MKI67: variants seen among roughly 807,000 people sequenced by gnomAD.
The protein encoded by MKI67 is marker of proliferation Ki-67.
In MKI67, 152 loss-of-function variants were observed where a neutral mutation model predicts 233.5. The observed-to-expected ratio is 0.65, with a 90% CI of 0.57 to 0.74. MKI67 has a LOEUF of 0.74. MKI67 is among the 30% of genes least tolerant of loss of function. The pLI is 0.00. For synonymous variants in MKI67, 1,465 were observed against 1,418.5 expected, an observed-to-expected ratio of 1.03 and a Z score of -0.74; for missense variants, 3,940 against 3,885.2, an observed-to-expected ratio of 1.01 and a Z score of -0.37.
rs1348511025 is a variant in MKI67 at position 128,097,694 on chromosome 10, T to G, written c.*1496A>C. 1.3e-5 allele frequency: 2 copies of G among 152,422 alleles called. No homozygotes were observed. The highest frequency in any genetic ancestry group is 2.9e-5 in the Non-Finnish European group (2 of 68,082). The allele number at this position is 152,422 out of a possible 1,614,324, so 9.4% of individuals were successfully genotyped here. On this transcript the variant is annotated 3_prime_UTR_variant, in exon 15 of 15. Coordinates refer to ENST00000368654, the MANE Select transcript of MKI67 (RefSeq NM_002417.5). The stretch of plus-strand genomic sequence containing the variant: ...CCAAAGTGCCTCTGCTAAGAGCCAC[T>G]CTTCCTTGAACACCCTCCCCTGTTC...
Position 128,098,209 on chromosome 10 carries a change from G to A in MKI67, c.*981C>T, listed in dbSNP as rs906839870. On this transcript the variant is annotated 3_prime_UTR_variant, in exon 15 of 15. Transcript: ENST00000368654. The stretch of plus-strand genomic sequence containing the variant: ...GGAGAAAGATGTCTGGGCTTCAAAG[G>A]AGATTTCGGAGGCAGCGGCTCACAA... 6.6e-6 allele frequency: 1 copy of A among 152,298 alleles called. No homozygotes were observed. The highest frequency in any genetic ancestry group is 1.5e-5 in the Non-Finnish European group (1 of 68,078). 9.4% of individuals were successfully genotyped at this position (152,298 alleles called of 1,614,324 possible).
Position 128,107,463 on chromosome 10 carries a change from T to A in MKI67, c.4377A>T (p.Glu1459Asp). The A allele has an allele frequency of 3.1e-6, 5 of 1,614,038 alleles. No homozygotes were observed. Among genetic ancestry groups the A allele is most frequent in the Non-Finnish European group, 3.4e-6 (4 of 1,180,016 alleles). ...TGSKRHPKTK[E>D]KAQPLEDLAG... ...CCAGGTCTTCTAGGGGTTGGGCCTT[T>A]TCCTTAGTTTTTGGGTGCCTCTTGC... Residue 1459 changes from glutamate (E) to aspartate (D), a missense_variant, in exon 13 of 15, where the codon GAA (glutamate) becomes GAT (aspartate). Glu to Asp is a conservative substitution (Grantham distance 45). Transcript: ENST00000368654.
rs1465455288 is a variant in MKI67, at chr10:128,097,290, A to C, written c.*1900T>G. On this transcript the variant is annotated 3_prime_UTR_variant, in exon 15 of 15. Coordinates refer to ENST00000368654, the MANE Select transcript of MKI67 (RefSeq NM_002417.5). ...TTGTCAGATCTCTCCCTCCCCCAGT[A>C]CCAAGGAGGGTTGTGTAGAAGTGGT... 1 of 152,102 alleles carries C rather than the reference A, an allele frequency of 6.6e-6. No homozygotes were observed. The highest frequency in any genetic ancestry group is 1.5e-5 in the Non-Finnish European group (1 of 68,018). 9.4% of individuals were successfully genotyped at this position (152,102 alleles called of 1,614,324 possible).
chr10:128,119,315 C>G lies in MKI67; in HGVS notation c.292G>C (p.Glu98Gln), dbSNP rs1402289828. 2 of 1,600,516 alleles carry G rather than the reference C, an allele frequency of 1.2e-6. No individual in the cohort carries two copies. Among genetic ancestry groups the G allele is most frequent in the Admixed American group, 1.7e-5 (1 of 59,864 alleles). Reference sequence around the variant, plus strand: ...CTTCCATTCTGAAGACTTTCATTTTCATACCTGCAGTTTATAGAACGACAA... The same window carrying G: ...CTTCCATTCTGAAGACTTTCATTTTGATACCTGCAGTTTATAGAACGACAA... ...ITIIDRSFRY[E>Q]NESLQNGRKS... Residue 98 changes from glutamate (E) to glutamine (Q), a missense_variant, in exon 5 of 15, where the codon GAA becomes CAA. Glu to Gln is a conservative substitution (Grantham distance 29). Transcript: ENST00000368654.
rs1331674147 is a variant in MKI67 at position 128,116,020 on chromosome 10, T to G, written c.401-13A>C. On this transcript the variant is annotated splice_polypyrimidine_tract_variant and intron_variant, in intron 6 of 14. Transcript: ENST00000368654. Reference sequence around the variant, plus strand: ...TGAGCTTTCTCATCTTGGCAATGAATTATGAAATAAGAAACAGAAGTTCAG... The same window carrying G: ...TGAGCTTTCTCATCTTGGCAATGAAGTATGAAATAAGAAACAGAAGTTCAG... The G allele has an allele frequency of 1.3e-6, 2 of 1,550,894 alleles. No individual in the cohort carries two copies. Among genetic ancestry groups the G allele is most frequent in the Non-Finnish European group, 1.7e-6 (2 of 1,155,654 alleles).
In MKI67 at chr10:128,108,656, C is replaced by T; in HGVS notation, c.3184G>A (p.Gly1062Ser). Reference protein sequence around the residue: ...THTHREPAGDGKSIRTFKESP... With the variant: ...THTHREPAGDSKSIRTFKESP... ...TCCTTAAACGTTCTGATGCTCTTGC[C>T]ATCTCCTGCTGGCTCTCTGTGCGTG... Residue 1062 changes from glycine (G) to serine (S), a missense_variant, in exon 13 of 15, where the codon GGC becomes AGC. Gly to Ser is a moderately conservative substitution (Grantham distance 56). Transcript: ENST00000368654. The T allele has an allele frequency of 1.2e-6, 2 of 1,614,158 alleles. No individual in the cohort carries two copies. Among genetic ancestry groups the T allele is most frequent in the Non-Finnish European group, 1.7e-6 (2 of 1,180,040 alleles).
At position 128,101,374 on chromosome 10, in the gene MKI67, A is replaced by G. The variant is rs138983839; in HGVS notation, c.9589T>C (p.Ser3197Pro). ...GTCTTTCTTGATCTCAGGCACATGGAGTCTGAATTTCCTGCTTCTCCTTTC... is the reference window on the plus strand; with the variant it reads ...GTCTTTCTTGATCTCAGGCACATGGGGTCTGAATTTCCTGCTTCTCCTTTC... Reference protein sequence around the residue: ...KGKGEAGNSDSMCLRSRKTKS... With the variant: ...KGKGEAGNSDPMCLRSRKTKS... The change falls in exon 14 of 15, where the codon TCC (serine) becomes CCC (proline). Residue 3197 changes from serine to proline, a missense_variant. Coordinates refer to ENST00000368654, the MANE Select transcript of MKI67 (RefSeq NM_002417.5). The G allele has an allele frequency of 3.7e-6, 6 of 1,613,984 alleles. No homozygotes were observed. Among genetic ancestry groups the G allele is most frequent in the African/African-American group, 1.3e-5 (1 of 74,900 alleles).
Position 128,111,677 on chromosome 10 carries a change from T to C in MKI67, c.2228A>G (p.Asn743Ser), listed in dbSNP as rs1375618610. 25 of 1,612,674 alleles carry C rather than the reference T, an allele frequency of 1.6e-5. No homozygotes were observed. Among genetic ancestry groups the C allele is most frequent in the African/African-American group, 2.7e-5 (2 of 74,828 alleles). The change falls in exon 11 of 15, where the codon AAC becomes AGC. Residue 743 changes from asparagine (N) to serine (S), a missense_variant. Asn to Ser is a conservative substitution (Grantham distance 46). Coordinates refer to ENST00000368654, the MANE Select transcript of MKI67 (RefSeq NM_002417.5). ...PYRVLNNFIS[N>S]QKMDFKEDLS... Reference sequence around the variant, plus strand: ...ATCTTCCTTAAAGTCCATTTTTTGGTTGGAAATGAAGTTGTTGAGCACTCT... The same window carrying C: ...ATCTTCCTTAAAGTCCATTTTTTGGCTGGAAATGAAGTTGTTGAGCACTCT...
At chr10:128,118,817 A>T (rs1481046233) in intron 5 of MKI67, among the ~76,000 whole-genome samples, 1 of 152,244 alleles carries the variant, frequency 6.6e-6, no homozygotes, top group South Asian at 2.1e-4. Flanking sequence ...TCGTCTATCT[A>T]TCAAAATAGA....
Position 128,104,654 on chromosome 10 carries a change from C to T in MKI67, c.7186G>A (p.Asp2396Asn). The change falls in exon 13 of 15, where the codon GAT (aspartate) becomes AAT (asparagine). Residue 2396 changes from aspartate (D) to asparagine (N), a missense_variant. Asp to Asn is a conservative substitution (Grantham distance 23). Transcript: ENST00000368654. ...ACAAATGTGTTGATATTTTTCTCAT[C>T]ACTTACTGCTGGTTTTGGTGTGTCC... is the stretch of plus-strand genomic sequence containing the variant. ...AMDTPKPAVS[D>N]EKNINTFVET... 4 of 1,613,606 alleles carry T rather than the reference C, an allele frequency of 2.5e-6. No individual in the cohort carries two copies. Among genetic ancestry groups the T allele is most frequent in the Non-Finnish European group, 3.4e-6 (4 of 1,179,950 alleles).
At chr10:128,111,423 C>T (rs9787436) in intron 11 of MKI67, 43,791 of 487,050 alleles carry the variant, frequency 0.09, 2,209 homozygotes, top group Admixed American at 0.14. Context: ...ATTTCCACAC[C>T]TATTTCATGC....
Position 128,112,364 on chromosome 10 carries a change from G to A in MKI67, c.1738C>T (p.Pro580Ser), listed in dbSNP as rs1386349321. The A allele has an allele frequency of 1.2e-6, 2 of 1,614,170 alleles. No homozygotes were observed. The highest frequency in any genetic ancestry group is 2.2e-5 in the East Asian group (1 of 44,882). Residue 580 changes from proline to serine, a missense_variant, in exon 9 of 15, where the codon CCT (proline) becomes TCT (serine). Physicochemically the swap from Pro to Ser is moderately conservative, Grantham distance 74 (BLOSUM62 -1). Transcript: ENST00000368654. Reference sequence around the variant, plus strand: ...GTTTTCCTAGGACTAGGAGCTGGAGGGCTTATAACCAAGCTTTGTGCCTTC... The same window carrying A: ...GTTTTCCTAGGACTAGGAGCTGGAGAGCTTATAACCAAGCTTTGTGCCTTC... ...EVKAQSLVIS[P>S]PAPSPRKTPV...
rs1565011158 is a variant in MKI67 at position 128,113,945 on chromosome 10, T to A, written c.1481-343A>T. Among the ~76,000 whole-genome samples the A allele has an allele frequency of 3.3e-5, 5 of 152,270 alleles. No individual in the cohort carries two copies. In the East Asian group the frequency reaches 7.7e-4, roughly 24 times the overall value. ...CAGAGAACTCTCTAAAGACATGCAC[T>A]TGGGTCTCAGCCTGAGCCACCCAGT... On this transcript the variant is annotated intron_variant, in intron 7 of 14. Transcript: ENST00000368654.
At position 128,101,292 on chromosome 10, in the gene MKI67, C is replaced by T. The variant is rs150105538; in HGVS notation, c.9671G>A (p.Arg3224Gln). The T allele has an allele frequency of 6.3e-5, 101 of 1,614,084 alleles. 1 individual carries two copies. In the East Asian group the frequency reaches 1.0e-3, roughly 16 times the overall value. ...ATTTTCTGCACACCTCTTGACACTC[C>T]GCGTTACTCTCTGCACAGATTTGCT... ...LESKSVQRVT[R>Q]SVKRCAENPK... Residue 3224 changes from arginine to glutamine, a missense_variant, in exon 14 of 15, where the codon CGG (arginine) becomes CAG (glutamine). Arg to Gln is a conservative substitution (Grantham distance 43, BLOSUM62 1). Transcript: ENST00000368654.
chr10:128,101,421 AC>A lies in MKI67; in HGVS notation c.9541del (p.Val3181PhefsTer20). The A allele has an allele frequency of 1.9e-6, 3 of 1,614,106 alleles. No individual in the cohort carries two copies. The East Asian group carries it at 6.7e-5, about 36-fold the overall frequency. Reference protein sequence around the residue: ...EESGGQKSAKVLMQNQKGKGE... With the variant: ...EESGGQKSAKXLMQNQKGKGE... ...TTTCCCTTTCTGATTCTGCATGAGA[AC>A]CTTCGCACTCTTCTGCCCTCCGCTC... On this transcript the variant is annotated frameshift_variant, in exon 14 of 15. Transcript: ENST00000368654. LOFTEE classifies it high-confidence loss of function.
intron 4 of MKI67, among the ~76,000 whole-genome samples, chr10:128,119,849 T>C (rs1852894071): frequency 6.6e-6 from 1 of 152,266 alleles, no homozygotes; most frequent in Non-Finnish European, 1.5e-5. Context: ...ATTCAGTCTG[T>C]ATCTGAACAA....
At position 128,105,877 on chromosome 10, in the gene MKI67, G is replaced by T; in HGVS notation, c.5963C>A (p.Pro1988Gln). The change falls in exon 13 of 15, where the codon CCA (proline) becomes CAA (glutamine). Residue 1988 changes from proline (P) to glutamine (Q), a missense_variant. By Grantham distance (76) the Pro-to-Gln change is moderately conservative (BLOSUM62 -1). Coordinates refer to ENST00000368654, the MANE Select transcript of MKI67 (RefSeq NM_002417.5). ...CTTGGAGCTTGTTGGGGTTTTGACT[G>T]GGTCTGGTTGTGGAGATTTGCAGGA... is the stretch of plus-strand genomic sequence containing the variant. The part of the protein sequence containing the change: ...EVSCKSPQPD[P>Q]VKTPTSSKQR... 1.2e-6 allele frequency: 2 copies of T among 1,613,862 alleles called. No homozygotes were observed. The highest frequency in any genetic ancestry group is 1.7e-6 in the Non-Finnish European group (2 of 1,179,984).
Position 128,106,146 on chromosome 10 carries a change from T to C in MKI67, c.5694A>G (p.Pro1898=). The C allele has an allele frequency of 6.2e-7, 1 of 1,613,872 alleles. No homozygotes were observed. Among genetic ancestry groups the C allele is most frequent in the Non-Finnish European group, 8.5e-7 (1 of 1,179,972 alleles). Residue 1898 remains proline, a synonymous_variant, in exon 13 of 15, where the codon CCA becomes CCG. Coordinates refer to ENST00000368654, the MANE Select transcript of MKI67 (RefSeq NM_002417.5). The part of the protein sequence containing the change: ...EEFLAFRKLT[P]SAGKAMHTPK... Reference sequence around the variant, plus strand: ...GCGTGTGCATGGCTTTGCCTGCTGATGGTGTTAGTTTCCTGAATGCTAAAA... The same window carrying C: ...GCGTGTGCATGGCTTTGCCTGCTGACGGTGTTAGTTTCCTGAATGCTAAAA...
rs1229282921 is a variant in MKI67, at chr10:128,108,625, G to A, written c.3215C>T (p.Pro1072Leu). ...GGCTGCTGGGTCCAGGATCTGCTTT[G>A]GAGACTCCTTAAACGTTCTGATGCT... Reference protein sequence around the residue: ...GKSIRTFKESPKQILDPAARV... With the variant: ...GKSIRTFKESLKQILDPAARV... Residue 1072 changes from proline (P) to leucine (L), a missense_variant, in exon 13 of 15, where the codon CCA becomes CTA. Coordinates refer to ENST00000368654, the MANE Select transcript of MKI67 (RefSeq NM_002417.5). 7.4e-6 allele frequency: 12 copies of A among 1,614,124 alleles called. No individual in the cohort carries two copies. In the East Asian group the frequency reaches 2.5e-4, roughly 33 times the overall value.
Sources: allele counts gnomAD v4.1 joint callset (sites outside exome capture counted in the v4.1 genomes callset), GRCh38; gene constraint gnomAD v4.1.1; transcripts MANE v1.5; gene names NCBI Gene and HGNC (gene_info 2026-07-23, HGNC 2026-07-21).